Variants in KIF23 observed in about 807,000 individuals in gnomAD.
The protein encoded by KIF23 is kinesin family member 23.
Under a neutral mutation model 137.5 loss-of-function variants are expected in KIF23, and 30 were observed. The ratio of observed to expected loss-of-function variants is 0.22; its 90% CI spans 0.16 to 0.30. KIF23 has a LOEUF of 0.30. KIF23 is among the 10% of genes least tolerant of loss of function. The probability of loss-of-function intolerance (pLI) is 1.00; values close to 1 mark genes in which losing one functional copy is unlikely to be tolerated. For missense variants in KIF23, 920 were observed against 1,194.3 expected (o/e 0.77, Z 3.38); for synonymous variants, 367 against 391.1 (o/e 0.94, Z 0.73).
At position 69,440,704 on chromosome 15, in the gene KIF23, A is replaced by C. The variant is rs149170700; in HGVS notation, c.2110-64A>C. ...GTCTTCATGTGCTAACATTATAGAA[A>C]AGTAATGAATTGTTTCTCTCAGTTT... On this transcript the variant is annotated intron_variant, in intron 18 of 23. Coordinates refer to ENST00000679126, the MANE Select transcript of KIF23 (RefSeq NM_001367805.3). The C allele has an allele frequency of 3.5e-4, 486 of 1,369,988 alleles. 1 individual carries two copies. The highest frequency in any genetic ancestry group is 2.4e-3 in the Admixed American group (101 of 41,610). The allele number at this position is 1,369,988 out of a possible 1,614,324, so 84.9% of individuals were successfully genotyped here. A position where few individuals can be genotyped will look rare whatever the true frequency, so the allele number is the denominator to read the frequency against.
chr15:69,425,430 T>C (rs1172290064), intron 8 of KIF23, 107 bp downstream of exon 8: 3 of 985,472 alleles, frequency 3.0e-6, no homozygotes, highest in Non-Finnish European at 4.6e-6. Context: ...GTCACTGGGC[T>C]GGCTGCTGTC....
In KIF23 at chr15:69,421,770, G is replaced by A. The variant is rs374755675; in HGVS notation, c.316+18G>A. 5.8e-6 allele frequency: 9 copies of A among 1,544,382 alleles called. No homozygotes were observed. The highest frequency in any genetic ancestry group is 7.1e-6 in the Non-Finnish European group (8 of 1,126,280). The stretch of plus-strand genomic sequence containing the variant: ...CAAAAATGGTATGATATGACTCTTG[G>A]AGTTTTGTTAGATTTTCCTTTTTCT... On this transcript the variant is annotated intron_variant, in intron 4 of 23. Transcript: ENST00000679126.
In KIF23 at chr15:69,435,730, G is replaced by A. The variant is rs543990042; in HGVS notation, c.1273G>A (p.Val425Met). Residue 425 changes from valine to methionine, a missense_variant, in exon 13 of 24, where the codon GTG (valine) becomes ATG (methionine). By Grantham distance (21) the Val-to-Met change is conservative (BLOSUM62 1). Transcript: ENST00000679126. ...FDGEGKVRMI[V>M]CVNPKAEDYE... ...TGGGGAAGGAAAAGTGCGGATGATC[G>A]TGTGTGTGAACCCCAAGGCTGAAGA... The A allele has an allele frequency of 1.5e-4, 248 of 1,614,172 alleles. 2 individuals carry two copies. The Admixed American group carries it at 2.6e-3, about 17-fold the overall frequency.
Position 69,426,259 on chromosome 15 carries a change from T to C in KIF23, c.889+77T>C, listed in dbSNP as rs1436324652. 2.5e-6 allele frequency: 4 copies of C among 1,600,072 alleles called. No individual in the cohort carries two copies. The East Asian group carries it at 6.7e-5, about 27-fold the overall frequency. On this transcript the variant is annotated intron_variant, in intron 9 of 23. Transcript: ENST00000679126. ...GTTGCTACTAAGTTTGATGGCAATT[T>C]TTTTTGACTTATTAGAAAGCATGTA...
chr15:69,441,686 T>C (rs1372721474), intron 19 of KIF23, among the ~76,000 whole-genome samples: 1 of 100,284 alleles, frequency 1.0e-5, no homozygotes, highest in Non-Finnish European at 2.4e-5. Flanking sequence ...CTAGCCACAA[T>C]CTTTATCACA....
At chr15:69,440,208 T>C in intron 17 of KIF23, 100 bp from the exon 18 acceptor site, 2 of 1,500,078 alleles carry the variant, frequency 1.3e-6, no homozygotes, top group Non-Finnish European at 1.8e-6. Flanking sequence ...CAGGAAGAAT[T>C]GGAGAACTGT....
chr15:69,422,889 C>T (rs970310261), intron 6 of KIF23: 7 of 322,504 alleles, frequency 2.2e-5, no homozygotes, highest in Non-Finnish European at 4.0e-5. Flanking sequence ...CAACCTCTGC[C>T]TTCCAGGTTC....
rs778821746 is a variant in KIF23 at position 69,448,416 on chromosome 15, C to T, written c.*609C>T. 2.0e-5 allele frequency: 3 copies of T among 152,316 alleles called. No homozygotes were observed. Among genetic ancestry groups the T allele is most frequent in the Non-Finnish European group, 2.9e-5 (2 of 68,028 alleles). The allele number at this position is 152,316 out of a possible 1,614,324, so 9.4% of individuals were successfully genotyped here. ...GCCAAAAGAATTAAAATCAAAAGCACTAAGAAATACATAGTTGTGTGATGG... is the reference window on the plus strand; with the variant it reads ...GCCAAAAGAATTAAAATCAAAAGCATTAAGAAATACATAGTTGTGTGATGG... On this transcript the variant is annotated 3_prime_UTR_variant, in exon 24 of 24. Coordinates refer to ENST00000679126, the MANE Select transcript of KIF23 (RefSeq NM_001367805.3).
chr15:69,446,437 AT>A, intron 22 of KIF23, 73 bp downstream of exon 22: 2 of 1,170,498 alleles, frequency 1.7e-6, no homozygotes, highest in South Asian at 1.3e-5. Flanking sequence ...ACAGCTCTAG[AT>A]TTTTATGCTC....
intron 18 of KIF23, 82 bp downstream of exon 18, chr15:69,440,569 A>C: frequency 7.6e-7 from 1 of 1,316,404 alleles, no homozygotes; most frequent in Non-Finnish European, 1.0e-6. Context: ...GAGGATTTTT[A>C]CATTTTATAA....
Position 69,418,701 on chromosome 15 carries a change from C to T in KIF23, c.210+1190C>T, listed in dbSNP as rs149241904. The stretch of plus-strand genomic sequence containing the variant: ...AGGAGTAGCTTTTTTATTTTTAATG[C>T]GTCACAGCTGAGACTTTTGTACAAC... On this transcript the variant is annotated intron_variant, in intron 3 of 23. Transcript: ENST00000679126. 3.7e-3 allele frequency among the ~76,000 whole-genome samples: 560 copies of T among 152,232 alleles called. 5 individuals carry two copies. The highest frequency in any genetic ancestry group is 0.012 in the African/African-American group (500 of 41,534).
Position 69,444,893 on chromosome 15 carries a change from T to C in KIF23, c.2525T>C (p.Met842Thr), listed in dbSNP as rs112713898. ...GTAGATCATAAGCCCGCCTCTAACA[T>C]GCAAACTGAAACAGTCATGCAGCCA... The part of the protein sequence containing the change: ...RWVDHKPASN[M>T]QTETVMQPHV... The change falls in exon 20 of 24, where the codon ATG (methionine) becomes ACG (threonine). Residue 842 changes from methionine to threonine, a missense_variant. Around this residue, in one of 4 missense-constraint regions of KIF23, gnomAD observed 75 missense variants for 177.9 expected, o/e 0.42. Transcript: ENST00000679126. This position sits in a 1 kb window ranked among gnomAD's most constrained non-coding sequence, Gnocchi z 4.2. The C allele has an allele frequency of 6.2e-7, 1 of 1,614,184 alleles. No homozygotes were observed. The highest frequency in any genetic ancestry group is 8.5e-7 in the Non-Finnish European group (1 of 1,180,030).
chr15:69,434,736 A>G, intron 11 of KIF23: 1 of 1,296,824 alleles, frequency 7.7e-7, no homozygotes, highest in Non-Finnish European at 1.1e-6. Context: ...CTCCTTGGGC[A>G]CGAACGCGCT....
At chr15:69,443,399 T>G in intron 19 of KIF23, among the ~76,000 whole-genome samples, 1 of 137,036 alleles carries the variant, frequency 7.3e-6, no homozygotes, top group Non-Finnish European at 1.5e-5. Flanking sequence ...AGTGCAGTGG[T>G]GTCATCTAGG....
chr15:69,418,290 C>A (rs545543390), intron 3 of KIF23, among the ~76,000 whole-genome samples: 1 of 152,296 alleles, frequency 6.6e-6, no homozygotes, highest in South Asian at 2.1e-4. Flanking sequence ...CTGTCTCCCC[C>A]TCCAGCTCTC....
chr15:69,425,378 T>C (rs2057163558), intron 8 of KIF23, 55 bp downstream of exon 8: 22 of 1,448,328 alleles, frequency 1.5e-5, no homozygotes, highest in Non-Finnish European at 1.8e-5. Flanking sequence ...TATACTATGG[T>C]TGGCATTCTG....
At chr15:69,426,878 T>C (rs1255284020) in intron 10 of KIF23, among the ~76,000 whole-genome samples, 4 of 152,220 alleles carry the variant, frequency 2.6e-5, no homozygotes, top group African/African-American at 4.8e-5. Flanking sequence ...GTGCTGACCA[T>C]GTACAGACTT....
intron 16 of KIF23, among the ~76,000 whole-genome samples, chr15:69,439,490 T>A (rs1434707977): frequency 6.6e-6 from 1 of 152,156 alleles, no homozygotes; most frequent in Non-Finnish European, 1.5e-5. Context: ...GGAAATACCG[T>A]TTTGTTGGGA....
At chr15:69,445,184 A>G in intron 20 of KIF23, 143 bp downstream of exon 20, 1 of 811,734 alleles carries the variant, frequency 1.2e-6, no homozygotes, top group South Asian at 1.9e-5. Context: ...TTGTTAGCAG[A>G]AAATTAGTCA....
Sources: allele counts gnomAD v4.1 joint callset (sites outside exome capture counted in the v4.1 genomes callset), GRCh38; gene constraint gnomAD v4.1.1; regional missense constraint gnomAD v4.1.1; non-coding constraint Gnocchi (gnomAD v3.1); transcripts MANE v1.5; gene names NCBI Gene and HGNC (gene_info 2026-07-23, HGNC 2026-07-21).